VDAC1: variants seen among roughly 807,000 people sequenced by gnomAD.
VDAC1 encodes voltage dependent anion channel 1.
VDAC1 carries 10 observed loss-of-function variants against 34.7 expected under a neutral mutation model. That is an observed-to-expected ratio of 0.29 (90% CI 0.18 to 0.49). The LOEUF (loss-of-function observed/expected upper bound fraction) is 0.49, where lower values mean the gene tolerates loss of function less well. VDAC1 is among the 20% of genes least tolerant of loss of function. The probability of loss-of-function intolerance (pLI) is 0.99; values close to 1 mark genes in which losing one functional copy is unlikely to be tolerated. For synonymous variants in VDAC1, 130 were observed against 136.0 expected (o/e 0.96, Z 0.30); for missense variants, 230 against 347.9 (o/e 0.66, Z 2.69).
chr5:134,072,778 A>G, the VDAC1 span, among the ~76,000 whole-genome samples: 1 of 152,018 alleles, frequency 6.6e-6, no homozygotes, highest in African/African-American at 2.4e-5. Context: ...GTCTCCTCCA[A>G]CCCCATTGTG....
the VDAC1 span, among the ~76,000 whole-genome samples, chr5:134,063,654 C>G: frequency 6.6e-6 from 1 of 152,090 alleles, no homozygotes; most frequent in Admixed American, 6.6e-5. Flanking sequence ...CTGCTAGACA[C>G]GTGAGGGAGG....
At chr5:134,113,820 G>A in the VDAC1 span, among the ~76,000 whole-genome samples, 1 of 152,256 alleles carries the variant, frequency 6.6e-6, no homozygotes, top group African/African-American at 2.4e-5. Flanking sequence ...TCAGGCCAGG[G>A]TCAACTTCAG....
the VDAC1 span, among the ~76,000 whole-genome samples, chr5:134,102,065 A>G: frequency 6.6e-6 from 1 of 152,222 alleles, no homozygotes; most frequent in Non-Finnish European, 1.5e-5. Context: ...TGGGAGGCAC[A>G]GGGGAGCGGT....
At chr5:134,042,966 T>C in the VDAC1 span, among the ~76,000 whole-genome samples, 3 of 152,336 alleles carry the variant, frequency 2.0e-5, no homozygotes, top group East Asian at 5.8e-4. Context: ...ATGTGGGTCG[T>C]GGGAGACAGG....
chr5:133,997,564 A>G (rs1209409552), intron 1 of VDAC1, among the ~76,000 whole-genome samples: 2 of 151,106 alleles, frequency 1.3e-5, no homozygotes, highest in Admixed American at 1.3e-4. Flanking sequence ...AAAAAAAAAA[A>G]TCACCCAGGT....
At chr5:134,048,020 A>G in the VDAC1 span, among the ~76,000 whole-genome samples, 1 of 148,326 alleles carries the variant, frequency 6.7e-6, no homozygotes, top group African/African-American at 2.5e-5. Context: ...CTTGTCTGGG[A>G]AAAAAAAAGA....
At chr5:133,988,328 T>C (rs772533475) in intron 5 of VDAC1, among the ~76,000 whole-genome samples, 5 of 151,142 alleles carry the variant, frequency 3.3e-5, no homozygotes, top group African/African-American at 4.9e-5. Flanking sequence ...GGCTCACGCC[T>C]GTAAACCCGG....
chr5:133,998,818 C>G (rs1318410769), intron 1 of VDAC1, among the ~76,000 whole-genome samples: 2 of 152,162 alleles, frequency 1.3e-5, no homozygotes, highest in African/African-American at 2.4e-5. Flanking sequence ...CAAGAATCAC[C>G]GGAGGCGCTT....
the VDAC1 span, among the ~76,000 whole-genome samples, chr5:134,073,407 C>T: frequency 6.6e-6 from 1 of 152,324 alleles, no homozygotes; most frequent in Non-Finnish European, 1.5e-5. Flanking sequence ...GTCTGGCCCG[C>T]CAATGTATAG....
chr5:134,009,004 G>C (rs1753794291), upstream of VDAC1, among the ~76,000 whole-genome samples: 1 of 152,076 alleles, frequency 6.6e-6, no homozygotes, highest in South Asian at 2.1e-4. Context: ...TCCAGGTTCT[G>C]AGTGACAGCA....
chr5:134,011,210 G>T, the VDAC1 span, among the ~76,000 whole-genome samples: 1 of 151,890 alleles, frequency 6.6e-6, no homozygotes, highest in African/African-American at 2.4e-5. Context: ...TGTTGCCCAG[G>T]CTGGTCTCAA....
the VDAC1 span, among the ~76,000 whole-genome samples, chr5:134,013,105 A>C: frequency 7.5e-3 from 1,137 of 152,310 alleles, 13 homozygotes; most frequent in African/African-American, 0.026. Context: ...AGACGGATTA[A>C]AGACTTAAAT....
intron 1 of VDAC1, among the ~76,000 whole-genome samples, chr5:134,000,196 A>G (rs1753489949): frequency 6.6e-6 from 1 of 152,212 alleles, no homozygotes; most frequent in African/African-American, 2.4e-5. Flanking sequence ...TTCAAGCTCC[A>G]GGATGCTGGC....
chr5:134,017,419 G>A, the VDAC1 span, among the ~76,000 whole-genome samples: 2 of 152,022 alleles, frequency 1.3e-5, no homozygotes, highest in African/African-American at 2.4e-5. Flanking sequence ...TCACACCATC[G>A]CACTCCAGCC....
chr5:134,007,173 G>A (rs565659948), upstream of VDAC1, among the ~76,000 whole-genome samples: 1 of 152,096 alleles, frequency 6.6e-6, no homozygotes, highest in Non-Finnish European at 1.5e-5. Context: ...GAACCCAGGA[G>A]GCGGAGGTTG....
At chr5:134,026,639 C>G in the VDAC1 span, among the ~76,000 whole-genome samples, 1 of 152,162 alleles carries the variant, frequency 6.6e-6, no homozygotes, top group Non-Finnish European at 1.5e-5. Context: ...CTTCCCTGGC[C>G]CAGTCTTAGA....
At chr5:133,992,193 G>A (rs1278169884) in intron 3 of VDAC1, 113 bp downstream of exon 3, 6 of 697,402 alleles carry the variant, frequency 8.6e-6, no homozygotes, top group Non-Finnish European at 8.0e-6. Context: ...CTGAGATCAC[G>A]CCATTGTACT....
At chr5:134,012,839 A>G in the VDAC1 span, among the ~76,000 whole-genome samples, 1 of 152,198 alleles carries the variant, frequency 6.6e-6, no homozygotes, top group East Asian at 1.9e-4. Flanking sequence ...CTGACTTCCA[A>G]CTATACTAAA....
At chr5:134,003,691 T>G (rs1268731660) in intron 1 of VDAC1, among the ~76,000 whole-genome samples, 2 of 152,228 alleles carry the variant, frequency 1.3e-5, no homozygotes, top group Non-Finnish European at 1.5e-5. Flanking sequence ...GGGTTTCTAC[T>G]TAGCCCTTCT....
Sources: allele counts gnomAD v4.1 joint callset (sites outside exome capture counted in the v4.1 genomes callset), GRCh38; gene constraint gnomAD v4.1.1; transcripts MANE v1.5; gene names NCBI Gene and HGNC (gene_info 2026-07-23, HGNC 2026-07-21).